Variants in RBFOX1 observed in about 807,000 individuals in gnomAD.
RBFOX1 encodes the protein RNA binding fox-1 homolog 1.
Under a neutral mutation model 57.7 loss-of-function variants are expected in RBFOX1, and 8 were observed. The observed-to-expected ratio is 0.14, with a 90% CI of 0.08 to 0.25. The LOEUF is 0.25. Among genes scored for constraint, RBFOX1 ranks in the 10% least tolerant of loss-of-function variants. RBFOX1 has a pLI of 1.00. For synonymous variants in RBFOX1, 326 were observed against 222.4 expected (o/e 1.47, Z -4.15); for missense variants, 611 against 548.5 (o/e 1.11, Z -1.14).
chr16:5,831,249 T>C (rs942067275), intron 3 of RBFOX1, among the ~76,000 whole-genome samples: 1 of 152,054 alleles, frequency 6.6e-6, no homozygotes, highest in Non-Finnish European at 1.5e-5. Flanking sequence ...CTTAACACTG[T>C]GCCCTTAGTG....
chr16:5,548,034 G>A (rs1182322826), intron 2 of RBFOX1, among the ~76,000 whole-genome samples: 1 of 151,526 alleles, frequency 6.6e-6, no homozygotes, highest in East Asian at 1.9e-4. Context: ...GGTGGCTTGT[G>A]CCTGTAATCC....
intron 1 of RBFOX1, among the ~76,000 whole-genome samples, chr16:5,454,859 TTTC>T (rs1365652176): frequency 3.8e-3 from 52 of 13,708 alleles, no homozygotes; most frequent in African/African-American, 0.011. Flanking sequence ...CTTTCTTTTC[TTTC>T]TTTCTTTCTT....
intron 4 of RBFOX1, among the ~76,000 whole-genome samples, chr16:7,150,648 C>A (rs1007151083): frequency 4.4e-4 from 67 of 152,256 alleles, no homozygotes; most frequent in African/African-American, 1.5e-3. Context: ...GCTGTCTCCT[C>A]CAGGAAGAAT....
chr16:5,804,781 C>G (rs980603849), intron 3 of RBFOX1, among the ~76,000 whole-genome samples: 2 of 152,148 alleles, frequency 1.3e-5, no homozygotes, highest in Non-Finnish European at 2.9e-5. Context: ...CGCTCACCTC[C>G]CAGACAAATA....
intron 1 of RBFOX1, among the ~76,000 whole-genome samples, chr16:5,338,784 G>C (rs532051589): frequency 2.6e-5 from 4 of 152,262 alleles, no homozygotes; most frequent in African/African-American, 9.6e-5. Context: ...AGCCTCCTGA[G>C]TAGTGGGGAC....
At chr16:5,415,768 T>C (rs918883273) in intron 1 of RBFOX1, among the ~76,000 whole-genome samples, 4 of 152,214 alleles carry the variant, frequency 2.6e-5, no homozygotes, top group Non-Finnish European at 4.4e-5. Flanking sequence ...TAAGGAACTG[T>C]AAATGTGGTA....
chr16:7,437,907 TAAAA>T (rs35968195), intron 4 of RBFOX1, among the ~76,000 whole-genome samples: 3 of 144,992 alleles, frequency 2.1e-5, no homozygotes, highest in Non-Finnish European at 4.6e-5. Context: ...ACAAATTGCT[TAAAA>T]AAAAAAAAAG....
intron 14 of RBFOX1, among the ~76,000 whole-genome samples, chr16:7,708,113 T>C: frequency 6.6e-6 from 1 of 152,104 alleles, no homozygotes. Flanking sequence ...CTGAGGCTGG[T>C]AGACTACTTG....
At chr16:7,607,825 C>A (rs979400893) in intron 10 of RBFOX1, among the ~76,000 whole-genome samples, 1 of 152,110 alleles carries the variant, frequency 6.6e-6, no homozygotes, top group African/African-American at 2.4e-5. Context: ...AAAAGTTGTC[C>A]GTCTTCGTTC....
chr16:5,569,468 C>CTT (rs2046201381), intron 2 of RBFOX1, among the ~76,000 whole-genome samples: 1 of 67,950 alleles, frequency 1.5e-5, no homozygotes, highest in Non-Finnish European at 2.8e-5. Flanking sequence ...TTTTTTTTTT[C>CTT]TTCTTCTTTT....
intron 4 of RBFOX1, among the ~76,000 whole-genome samples, chr16:7,075,806 T>C (rs2058185114): frequency 6.6e-6 from 1 of 152,142 alleles, no homozygotes; most frequent in African/African-American, 2.4e-5. Context: ...GGTCTTGATC[T>C]CCTGACCTCG....
intron 3 of RBFOX1, among the ~76,000 whole-genome samples, chr16:6,738,994 T>A (rs1260069912): frequency 6.6e-6 from 1 of 152,154 alleles, no homozygotes; most frequent in African/African-American, 2.4e-5. Flanking sequence ...AAGCAGTCAT[T>A]AGAGGGAAAT....
At chr16:7,093,713 G>A (rs2061241433) in intron 4 of RBFOX1, among the ~76,000 whole-genome samples, 1 of 152,144 alleles carries the variant, frequency 6.6e-6, no homozygotes, top group African/African-American at 2.4e-5. Context: ...CTGGCAGAGG[G>A]AGTAATACGC....
At chr16:5,305,739 A>T (rs2063917038) in intron 1 of RBFOX1, among the ~76,000 whole-genome samples, 1 of 152,164 alleles carries the variant, frequency 6.6e-6, no homozygotes, top group Non-Finnish European at 1.5e-5. Flanking sequence ...TAAGGTTTTA[A>T]ACAGCGAATT....
At chr16:6,550,541 G>T (rs1382063189) in intron 2 of RBFOX1, among the ~76,000 whole-genome samples, 2 of 152,094 alleles carry the variant, frequency 1.3e-5, no homozygotes, top group South Asian at 2.1e-4. Flanking sequence ...GACCAAGCTG[G>T]TGTTGGACTC....
At chr16:7,704,091 T>C (rs2081625439) in intron 14 of RBFOX1, among the ~76,000 whole-genome samples, 1 of 152,204 alleles carries the variant, frequency 6.6e-6, no homozygotes, top group Non-Finnish European at 1.5e-5. Flanking sequence ...ATGAGGAAGA[T>C]GAGGCTCAGA....
At chr16:5,294,560 A>C (rs867001879) in intron 1 of RBFOX1, among the ~76,000 whole-genome samples, 1 of 151,918 alleles carries the variant, frequency 6.6e-6, no homozygotes, top group African/African-American at 2.4e-5. Flanking sequence ...CCCATCTCCA[A>C]CTCTGACCTG....
chr16:6,850,199 C>T (rs996066439), intron 3 of RBFOX1, among the ~76,000 whole-genome samples: 6 of 152,108 alleles, frequency 3.9e-5, no homozygotes, highest in African/African-American at 9.7e-5. Context: ...TTCAGTTGTT[C>T]CTCAAATGAA....
intron 12 of RBFOX1, among the ~76,000 whole-genome samples, chr16:7,656,291 T>C (rs553676993): frequency 6.6e-6 from 1 of 152,192 alleles, no homozygotes; most frequent in African/African-American, 2.4e-5. Context: ...CTCCTGGGAA[T>C]GAATTGGCAC....
Sources: allele counts gnomAD v4.1 joint callset (sites outside exome capture counted in the v4.1 genomes callset), GRCh38; gene constraint gnomAD v4.1.1; transcripts MANE v1.5; gene names NCBI Gene and HGNC (gene_info 2026-07-23, HGNC 2026-07-21).